The following TC2N variants were observed in gnomAD, a reference collection of about 807,000 sequenced individuals.
TC2N encodes tandem C2 domains, nuclear.
A neutral mutation model predicts 61.9 loss-of-function variants in TC2N; 51 were observed. The observed-to-expected ratio is 0.82, with a 90% CI of 0.66 to 1.04. The LOEUF is 1.04. Ranked by LOEUF, TC2N falls within the 50% of genes least tolerant of loss-of-function variation. The pLI is 0.00. For synonymous variants in TC2N, 204 were observed against 192.6 expected (o/e 1.06, Z -0.49); for missense variants, 556 against 566.7 (o/e 0.98, Z 0.19).
chr14:91,823,985 G>GT (rs1462008792), intron 1 of TC2N, among the ~76,000 whole-genome samples: 7 of 152,154 alleles, frequency 4.6e-5, no homozygotes, highest in African/African-American at 1.4e-4. Flanking sequence ...TGGTAGGGCT[G>GT]TTTTAAGAAT....
chr14:91,812,166 A>G (rs1886797103), intron 3 of TC2N, 146 bp downstream of exon 3: 2 of 395,110 alleles, frequency 5.1e-6, no homozygotes, highest in Admixed American at 4.1e-5. Flanking sequence ...AAACTACTGT[A>G]CATTAAGTTC....
At chr14:91,825,152 G>C (rs1206839514) in intron 1 of TC2N, among the ~76,000 whole-genome samples, 26 of 142,382 alleles carry the variant, frequency 1.8e-4, no homozygotes, top group Non-Finnish European at 6.0e-5. Flanking sequence ...CCCTGCCTCA[G>C]CCTCCTGAGT....
intron 1 of TC2N, among the ~76,000 whole-genome samples, chr14:91,829,511 T>A (rs1887654133): frequency 6.6e-6 from 1 of 152,176 alleles, no homozygotes; most frequent in Admixed American, 6.5e-5. Flanking sequence ...TTTTCATTAG[T>A]AGAAATTACA....
chr14:91,837,699 A>G lies in TC2N; in HGVS notation c.-56-23874T>C, dbSNP rs1888074433. On this transcript the variant is annotated intron_variant, in intron 1 of 11. Coordinates refer to ENST00000435962, the MANE Select transcript of TC2N (RefSeq NM_001128596.3). The surrounding 1 kb of genome is among the most constrained non-coding windows in gnomAD (Gnocchi z 4.2). ...TTAATGTGGGGGAGAGAGACACAAA[A>G]TATTTGTTTTCCTTGAGATTCACAA... Among the ~76,000 whole-genome samples, 1 of 152,188 alleles carries G rather than the reference A, an allele frequency of 6.6e-6. No homozygotes were observed. The highest frequency in any genetic ancestry group is 1.5e-5 in the Non-Finnish European group (1 of 68,030).
chr14:91,820,600 T>C (rs1887201210), intron 1 of TC2N, among the ~76,000 whole-genome samples: 1 of 151,742 alleles, frequency 6.6e-6, no homozygotes, highest in Non-Finnish European at 1.5e-5. Flanking sequence ...ATATTTGAGA[T>C]TCTAGCTAAG....
chr14:91,785,845 C>T (rs1238711912), intron 10 of TC2N, among the ~76,000 whole-genome samples: 1 of 151,658 alleles, frequency 6.6e-6, no homozygotes, highest in Non-Finnish European at 1.5e-5. Flanking sequence ...ATAAACTAAC[C>T]TTCCCATAAA....
chr14:91,836,013 ACCCCTGGTGCCCT>A (rs925271701), intron 1 of TC2N, among the ~76,000 whole-genome samples: 2 of 151,846 alleles, frequency 1.3e-5, no homozygotes, highest in African/African-American at 2.4e-5. Flanking sequence ...CCCGTCGCCC[ACCCCTGGTGCCCT>A]CCAGACCACC....
At chr14:91,850,046 T>G (rs1411180402) in intron 1 of TC2N, among the ~76,000 whole-genome samples, 1 of 41,622 alleles carries the variant, frequency 2.4e-5, no homozygotes. Context: ...TGAAACTCCA[T>G]CTCAAAAAAA....
chr14:91,785,186 TACAGAGCTTCGACTGTAA>T lies in TC2N; in HGVS notation c.1320_1337del (p.Tyr441_Val446del). On this transcript the variant is annotated inframe_deletion, in exon 11 of 12. Coordinates refer to ENST00000435962, the MANE Select transcript of TC2N (RefSeq NM_001128596.3). ...CCTGGCCCACAAAGTGTTTTCTTCTTACAGAGCTTCGACTGTAAAGCTTAATGAGAAAAACAATTTCTT... is the reference window on the plus strand; with the variant it reads ...CCTGGCCCACAAAGTGTTTTCTTCTTAGCTTAATGAGAAAAACAATTTCTT... 6.2e-7 allele frequency: 1 copy of T among 1,613,468 alleles called. No homozygotes were observed. The highest frequency in any genetic ancestry group is 8.5e-7 in the Non-Finnish European group (1 of 1,179,640).
intron 1 of TC2N, among the ~76,000 whole-genome samples, chr14:91,850,758 C>T (rs1440889955): frequency 6.6e-6 from 1 of 152,178 alleles, no homozygotes; most frequent in Non-Finnish European, 1.5e-5. Flanking sequence ...CTGTGAAACC[C>T]CTTCTCTACT....
At chr14:91,825,041 T>C (rs1887434919) in intron 1 of TC2N, among the ~76,000 whole-genome samples, 1 of 129,182 alleles carries the variant, frequency 7.7e-6, no homozygotes, top group African/African-American at 2.8e-5. Context: ...TTTTTTTTTT[T>C]TTTTTTTTTT....
In TC2N at chr14:91,780,029, C is replaced by T. The variant is rs1885017741; in HGVS notation, c.*3071G>A. 1 of 152,112 alleles carries T rather than the reference C, an allele frequency of 6.6e-6. No individual in the cohort carries two copies. Among genetic ancestry groups the T allele is most frequent in the Non-Finnish European group, 1.5e-5 (1 of 68,028 alleles). The allele number at this position is 152,112 out of a possible 1,614,324, so 9.4% of individuals were successfully genotyped here. A position where few individuals can be genotyped will look rare whatever the true frequency, so the allele number is the denominator to read the frequency against. On this transcript the variant is annotated 3_prime_UTR_variant, in exon 12 of 12. Coordinates refer to ENST00000435962, the MANE Select transcript of TC2N (RefSeq NM_001128596.3). The stretch of plus-strand genomic sequence containing the variant: ...CCCACTTTTCATAATTCTTTCAACT[C>T]AATGTTTTAGCCAAAACTGCAAACA...
chr14:91,791,016 C>G (rs561030985), intron 9 of TC2N, among the ~76,000 whole-genome samples: 563 of 151,808 alleles, frequency 3.7e-3, no homozygotes, highest in Non-Finnish European at 6.8e-3. Context: ...GCCTGTAGTC[C>G]TAGCTACTCA....
intron 4 of TC2N, 42 bp from the exon 5 acceptor site, chr14:91,800,414 C>T (rs375762766): frequency 8.9e-7 from 1 of 1,124,102 alleles, no homozygotes; most frequent in African/African-American, 1.6e-5. Context: ...TTAAGAAACA[C>T]TGGAATTCTA....
At chr14:91,786,615 A>T (rs556300300) in intron 10 of TC2N, among the ~76,000 whole-genome samples, 9 of 152,250 alleles carry the variant, frequency 5.9e-5, no homozygotes, top group African/African-American at 1.9e-4. Flanking sequence ...TCAGAAAGTC[A>T]TTTATTTTAC....
Position 91,787,649 on chromosome 14 carries a change from T to C in TC2N, c.1048-22A>G, listed in dbSNP as rs146477245. The C allele has an allele frequency of 3.7e-4, 514 of 1,400,390 alleles. 9 individuals carry two copies. In the East Asian group the frequency reaches 0.012, roughly 32 times the overall value. The allele number at this position is 1,400,390 out of a possible 1,614,324, so 86.7% of individuals were successfully genotyped here. A position where few individuals can be genotyped will look rare whatever the true frequency, so the allele number is the denominator to read the frequency against. ...AAACCTGCATATCAAAAAAGTGTCA[T>C]TTGGTAGTTAAGAATAAAGTTTTTG... On this transcript the variant is annotated intron_variant, in intron 9 of 11. Coordinates refer to ENST00000435962, the MANE Select transcript of TC2N (RefSeq NM_001128596.3).
chr14:91,826,034 T>C (rs1400893728), intron 1 of TC2N, among the ~76,000 whole-genome samples: 1 of 152,178 alleles, frequency 6.6e-6, no homozygotes, highest in Non-Finnish European at 1.5e-5. Flanking sequence ...TTCTGTATCT[T>C]GGCAGGGCAT....
chr14:91,845,889 A>G (rs1888260990), intron 1 of TC2N, among the ~76,000 whole-genome samples: 1 of 152,222 alleles, frequency 6.6e-6, no homozygotes, highest in Non-Finnish European at 1.5e-5. Context: ...CCACCACCTT[A>G]GAAGTAAGTG....
intron 1 of TC2N, among the ~76,000 whole-genome samples, chr14:91,856,503 A>C (rs1888485859): frequency 6.8e-6 from 1 of 147,072 alleles, no homozygotes; most frequent in African/African-American, 2.5e-5. Flanking sequence ...AAAAAAAAAA[A>C]GACAAGTTTA....
Sources: allele counts gnomAD v4.1 joint callset (sites outside exome capture counted in the v4.1 genomes callset), GRCh38; gene constraint gnomAD v4.1.1; non-coding constraint Gnocchi (gnomAD v3.1); transcripts MANE v1.5; gene names NCBI Gene and HGNC (gene_info 2026-07-23, HGNC 2026-07-21).